POLN: variants seen among roughly 807,000 people sequenced by gnomAD.
The protein encoded by POLN is DNA polymerase nu.
In POLN, 108 loss-of-function variants were observed where a neutral mutation model predicts 113.5. That is an observed-to-expected ratio of 0.95 (90% confidence interval 0.81 to 1.12). The LOEUF is 1.12. Ranked by LOEUF, POLN falls within the 50% of genes most tolerant of loss-of-function variation. The probability of loss-of-function intolerance (pLI) is 0.00; values close to 1 mark genes in which losing one functional copy is unlikely to be tolerated. For synonymous variants in POLN, 386 were observed against 391.5 expected, an observed-to-expected ratio of 0.99 and a Z score of 0.17; for missense variants, 1,097 against 1,077.1, an observed-to-expected ratio of 1.02 and a Z score of -0.26.
chr4:2,076,235 G>A (rs572795014), intron 23 of POLN: 16 of 153,388 alleles, frequency 1.0e-4, no homozygotes, highest in African/African-American at 3.8e-4. Flanking sequence ...AGGCGGACGG[G>A]TCATGGCTCC....
intron 16 of POLN, among the ~76,000 whole-genome samples, chr4:2,133,002 A>G (rs1013772143): frequency 6.6e-5 from 10 of 152,212 alleles, no homozygotes; most frequent in African/African-American, 2.4e-4. Context: ...GTGGTAGAAT[A>G]TGAAATATAA....
intron 13 of POLN, among the ~76,000 whole-genome samples, chr4:2,164,678 C>CTGTA (rs2108744168): frequency 6.6e-6 from 1 of 151,320 alleles, no homozygotes; most frequent in East Asian, 1.9e-4. Flanking sequence ...TGGTACACAC[C>CTGTA]TGTAGTCCCA....
At chr4:2,179,586 C>G (rs6820291) in intron 7 of POLN, 121 bp from the exon 8 acceptor site, 152,082 of 1,013,210 alleles carry the variant, frequency 0.15, 18,016 homozygotes, top group African/African-American at 0.52. Context: ...AAATTATAGA[C>G]CTAAGGACCA....
chr4:2,122,902 C>T (rs1731482672), intron 19 of POLN, among the ~76,000 whole-genome samples: 1 of 152,090 alleles, frequency 6.6e-6, no homozygotes, highest in Non-Finnish European at 1.5e-5. Flanking sequence ...CCTGTAATCC[C>T]AGCACTTTGG....
chr4:2,185,396 C>A (rs533545652), intron 7 of POLN, among the ~76,000 whole-genome samples: 3 of 152,188 alleles, frequency 2.0e-5, no homozygotes, highest in African/African-American at 7.2e-5. Flanking sequence ...AAAACAACTG[C>A]AAGAGTGTAA....
chr4:2,222,882 G>C (rs574240651), intron 3 of POLN, among the ~76,000 whole-genome samples: 5 of 152,188 alleles, frequency 3.3e-5, no homozygotes, highest in African/African-American at 4.8e-5. Context: ...GCTACCATCT[G>C]TATTGCACCC....
chr4:2,138,011 G>A (rs974435710), intron 16 of POLN, among the ~76,000 whole-genome samples: 1 of 152,052 alleles, frequency 6.6e-6, no homozygotes, highest in African/African-American at 2.4e-5. Context: ...GCTAATTCTT[G>A]TATTTTTGGT....
chr4:2,231,783 A>G lies in POLN; in HGVS notation c.-12-2540T>C. 7.2e-6 allele frequency: 4 copies of G among 555,928 alleles called. No homozygotes were observed. The South Asian group carries it at 9.6e-5, about 13-fold the overall frequency. The allele number at this position is 555,928 out of a possible 1,614,324, so 34.4% of individuals were successfully genotyped here. A position where few individuals can be genotyped will look rare whatever the true frequency, so the allele number is the denominator to read the frequency against. On this transcript the variant is annotated intron_variant, in intron 2 of 25. Transcript: ENST00000511885. ...TATTCTGAATGTACTACATGAGAAAAAAGACAAATTAATATAATAGTTCAA... is the reference window on the plus strand; with the variant it reads ...TATTCTGAATGTACTACATGAGAAAGAAGACAAATTAATATAATAGTTCAA...
intron 13 of POLN, among the ~76,000 whole-genome samples, chr4:2,163,164 A>C (rs544570621): frequency 1.3e-5 from 2 of 152,300 alleles, no homozygotes; most frequent in Non-Finnish European, 2.9e-5. Context: ...GTGCTCTCTG[A>C]ATAAAGACTG....
chr4:2,208,357 G>C lies in POLN; in HGVS notation c.344C>G (p.Ser115Ter). 1 of 1,613,532 alleles carries C rather than the reference G, an allele frequency of 6.2e-7. No individual in the cohort carries two copies. Among genetic ancestry groups the C allele is most frequent in the Non-Finnish European group, 8.5e-7 (1 of 1,179,898 alleles). ...ATTATACTGTGGAATTAAACAACTT[G>C]AAAGAGTCAATGAGCTGATGCTCTT... Reference protein sequence around the residue: ...KQKSISSLTLSSCLIPQYNQE... With the variant: ...KQKSISSLTL The change falls in exon 5 of 26, where the codon TCA becomes TGA. Residue 115 changes from serine (S) to a stop codon, truncating the protein, a stop_gained. Coordinates refer to ENST00000511885, the MANE Select transcript of POLN (RefSeq NM_181808.4). LOFTEE classifies it high-confidence loss of function.
intron 19 of POLN, among the ~76,000 whole-genome samples, chr4:2,119,462 G>A (rs1731392338): frequency 6.6e-6 from 1 of 152,054 alleles, no homozygotes; most frequent in South Asian, 2.1e-4. Flanking sequence ...GCAGTAATCA[G>A]CTCTGAGGTC....
chr4:2,164,540 C>T (rs1751794), intron 13 of POLN, among the ~76,000 whole-genome samples: 107,114 of 143,072 alleles, frequency 0.75, 42,701 homozygotes, highest in Non-Finnish European at 0.89. Flanking sequence ...TGGTGGCTCA[C>T]GCCTGTAATC....
intron 20 of POLN, among the ~76,000 whole-genome samples, chr4:2,091,045 G>A (rs1730651295): frequency 6.6e-6 from 1 of 152,178 alleles, no homozygotes; most frequent in Non-Finnish European, 1.5e-5. Context: ...CTTCAGGTGA[G>A]GGTCTATAGA....
chr4:2,110,769 G>C (rs1731174000), intron 19 of POLN, among the ~76,000 whole-genome samples: 1 of 152,118 alleles, frequency 6.6e-6, no homozygotes, highest in South Asian at 2.1e-4. Flanking sequence ...ACCAAAAAAA[G>C]TCCAGGACCA....
chr4:2,234,895 T>C (rs921615847), intron 2 of POLN, among the ~76,000 whole-genome samples: 4 of 152,186 alleles, frequency 2.6e-5, no homozygotes, highest in Non-Finnish European at 4.4e-5. Context: ...AGAAATTTTC[T>C]TCTTTTTTGA....
chr4:2,196,638 G>GAA (rs200934370), intron 6 of POLN, among the ~76,000 whole-genome samples: 5 of 117,642 alleles, frequency 4.3e-5, no homozygotes, highest in East Asian at 2.5e-4. Context: ...TGTGGCTCTG[G>GAA]AAAAAAAAAA....
chr4:2,169,103 A>C (rs1732797861), intron 13 of POLN, among the ~76,000 whole-genome samples: 3 of 152,190 alleles, frequency 2.0e-5, no homozygotes, highest in Non-Finnish European at 4.4e-5. Flanking sequence ...GGGACAGAGA[A>C]GGAGCTGGCG....
At chr4:2,092,210 C>T (rs1319481928) in intron 20 of POLN, among the ~76,000 whole-genome samples, 3 of 152,140 alleles carry the variant, frequency 2.0e-5, no homozygotes, top group Non-Finnish European at 4.4e-5. Flanking sequence ...CTGAGCCAGG[C>T]GGTGTGCCCT....
At chr4:2,130,431 T>G (rs901159624) in intron 17 of POLN, among the ~76,000 whole-genome samples, 9 of 152,146 alleles carry the variant, frequency 5.9e-5, no homozygotes, top group African/African-American at 1.7e-4. Context: ...GGGTAGGACG[T>G]GTACAGGGCA....
Sources: allele counts gnomAD v4.1 joint callset (sites outside exome capture counted in the v4.1 genomes callset), GRCh38; gene constraint gnomAD v4.1.1; transcripts MANE v1.5; gene names NCBI Gene and HGNC (gene_info 2026-07-23, HGNC 2026-07-21).